FERRY3: variants seen among roughly 807,000 people sequenced by gnomAD.
FERRY3 encodes the protein FERRY endosomal RAB5 effector complex subunit 3.
At chr12:4,494,924 T>C in the FERRY3 span, among the ~76,000 whole-genome samples, 1 of 152,236 alleles carries the variant, frequency 6.6e-6, no homozygotes, top group Non-Finnish European at 1.5e-5. Context: ...ATCTTGACAA[T>C]ATTGAGTGTT....
chr12:4,491,074 A>C, the FERRY3 span: 1 of 989,216 alleles, frequency 1.0e-6, no homozygotes, highest in Non-Finnish European at 1.6e-6. Flanking sequence ...CTGAGGCACT[A>C]GATTACAGGG....
At chr12:4,498,603 G>A in the FERRY3 span, among the ~76,000 whole-genome samples, 1 of 152,184 alleles carries the variant, frequency 6.6e-6, no homozygotes, top group East Asian at 1.9e-4. Context: ...ATTATAAATG[G>A]GAAATCACTG....
the FERRY3 span, chr12:4,500,298 T>A: frequency 1.2e-6 from 2 of 1,614,052 alleles, no homozygotes; most frequent in Non-Finnish European, 1.7e-6. Context: ...GAAAGCAACA[T>A]GGATTTCTGA....
chr12:4,529,099 C>A, the FERRY3 span, among the ~76,000 whole-genome samples: 1 of 151,968 alleles, frequency 6.6e-6, no homozygotes, highest in East Asian at 1.9e-4. Context: ...AAGGACACAT[C>A]CTGAATTCCT....
the FERRY3 span, among the ~76,000 whole-genome samples, chr12:4,523,540 C>A: frequency 6.6e-6 from 1 of 152,244 alleles, no homozygotes; most frequent in South Asian, 2.1e-4. Context: ...TTCACCATAG[C>A]AAAGACTTGG....
the FERRY3 span, chr12:4,505,437 T>C: frequency 5.0e-6 from 6 of 1,193,658 alleles, no homozygotes; most frequent in East Asian, 1.4e-4. Context: ...AATATGTTAC[T>C]ATGACTGCTC....
chr12:4,531,088 A>G, the FERRY3 span, among the ~76,000 whole-genome samples: 1 of 152,186 alleles, frequency 6.6e-6, no homozygotes, highest in Non-Finnish European at 1.5e-5. Flanking sequence ...TCACATAAAC[A>G]GCTATCTTGA....
At chr12:4,505,875 A>G in the FERRY3 span, among the ~76,000 whole-genome samples, 2 of 152,206 alleles carry the variant, frequency 1.3e-5, no homozygotes, top group South Asian at 4.1e-4. Flanking sequence ...GGCTACAAAT[A>G]AATGGCTAGT....
At chr12:4,530,116 A>G in the FERRY3 span, 1 of 1,443,290 alleles carries the variant, frequency 6.9e-7, no homozygotes, top group South Asian at 1.3e-5. Context: ...CACTACTAGA[A>G]AAGTATGTAT....
At chr12:4,503,435 C>T in the FERRY3 span, among the ~76,000 whole-genome samples, 1 of 152,138 alleles carries the variant, frequency 6.6e-6, no homozygotes, top group Admixed American at 6.6e-5. Flanking sequence ...ATGACATAAA[C>T]TGTAAATACT....
At chr12:4,528,968 C>T in the FERRY3 span, among the ~76,000 whole-genome samples, 1 of 151,608 alleles carries the variant, frequency 6.6e-6, no homozygotes, top group Non-Finnish European at 1.5e-5. Flanking sequence ...CTAATATACT[C>T]TCACAATCAA....
chr12:4,509,557 G>T, the FERRY3 span, among the ~76,000 whole-genome samples: 20 of 148,916 alleles, frequency 1.3e-4, no homozygotes, highest in African/African-American at 3.9e-4. Flanking sequence ...ATCTGAGAAC[G>T]GGCAGACTGC....
At chr12:4,533,507 C>CT in the FERRY3 span, among the ~76,000 whole-genome samples, 4 of 152,172 alleles carry the variant, frequency 2.6e-5, no homozygotes, top group Non-Finnish European at 4.4e-5. Flanking sequence ...ATTTTTGAGT[C>CT]TTTTCTTTGC....
At chr12:4,513,270 T>C in the FERRY3 span, among the ~76,000 whole-genome samples, 2 of 148,448 alleles carry the variant, frequency 1.3e-5, no homozygotes, top group Non-Finnish European at 3.0e-5. Context: ...GAACATTCCA[T>C]GCTCATGGGT....
At chr12:4,518,783 T>C in the FERRY3 span, 1 of 1,562,818 alleles carries the variant, frequency 6.4e-7, no homozygotes, top group South Asian at 1.2e-5. Context: ...CCTAAGTGAA[T>C]GGTAAAACTT....
the FERRY3 span, among the ~76,000 whole-genome samples, chr12:4,495,828 C>T: frequency 3.9e-5 from 6 of 152,286 alleles, no homozygotes; most frequent in African/African-American, 1.2e-4. Context: ...GAACTTCACA[C>T]TTTTCAGAAT....
the FERRY3 span, among the ~76,000 whole-genome samples, chr12:4,511,078 G>C: frequency 1.3e-5 from 2 of 148,274 alleles, no homozygotes; most frequent in Non-Finnish European, 3.0e-5. Context: ...AAAAAAGGCA[G>C]GGGTTGCAAT....
chr12:4,506,450 G>A, the FERRY3 span, among the ~76,000 whole-genome samples: 1 of 152,158 alleles, frequency 6.6e-6, no homozygotes. Flanking sequence ...AAGAGTCAGA[G>A]AGATAGAAGG....
the FERRY3 span, among the ~76,000 whole-genome samples, chr12:4,526,654 CA>C: frequency 2.0e-5 from 3 of 151,884 alleles, no homozygotes; most frequent in Admixed American, 6.6e-5. Flanking sequence ...CCAGCCTGGC[CA>C]ACGTGATGAA....
Sources: allele counts gnomAD v4.1 joint callset (sites outside exome capture counted in the v4.1 genomes callset), GRCh38; gene constraint gnomAD v4.1.1; transcripts MANE v1.5; gene names NCBI Gene and HGNC (gene_info 2026-07-23, HGNC 2026-07-21).